SLC47A1: variants seen among roughly 807,000 people sequenced by gnomAD.
SLC47A1 encodes the protein multidrug and toxin extrusion protein 1.
SLC47A1 carries 58 observed loss-of-function variants against 65.8 expected under a neutral mutation model. The ratio of observed to expected loss-of-function variants is 0.88; its 90% CI spans 0.71 to 1.10. SLC47A1 has a LOEUF of 1.10. Ranked by LOEUF, SLC47A1 falls within the 50% of genes least tolerant of loss-of-function variation. The pLI is 0.00. For synonymous variants in SLC47A1, 285 were observed against 295.0 expected, an observed-to-expected ratio of 0.97 and a Z score of 0.35; for missense variants, 706 against 719.2, an observed-to-expected ratio of 0.98 and a Z score of 0.21.
chr17:19,546,064 A>T (rs898094651), intron 2 of SLC47A1, among the ~76,000 whole-genome samples: 6 of 152,128 alleles, frequency 3.9e-5, no homozygotes, highest in Admixed American at 6.5e-5. Context: ...TACTAAAAAT[A>T]CAAAAATTAG....
At chr17:19,534,628 T>C (rs1915940798) in intron 1 of SLC47A1, 1 of 152,228 alleles carries the variant, frequency 6.6e-6, no homozygotes, top group African/African-American at 2.4e-5. Context: ...AAATGATTTC[T>C]TCAGAATTCA....
intron 12 of SLC47A1, among the ~76,000 whole-genome samples, chr17:19,564,212 A>T (rs2084338813): frequency 6.6e-6 from 1 of 151,534 alleles, no homozygotes; most frequent in South Asian, 2.1e-4. Context: ...TTAGCTGGGC[A>T]TGGTGGTGTG....
At chr17:19,551,290 A>T (rs368661527) in intron 5 of SLC47A1, 134 bp from the exon 6 acceptor site, 1 of 811,374 alleles carries the variant, frequency 1.2e-6, no homozygotes, top group African/African-American at 1.7e-5. Flanking sequence ...TCCTGAGACG[A>T]CAGCCTCTGT....
At chr17:19,541,634 G>A (rs1350199766) in intron 1 of SLC47A1, among the ~76,000 whole-genome samples, 1 of 152,208 alleles carries the variant, frequency 6.6e-6, no homozygotes, top group Non-Finnish European at 1.5e-5. Context: ...GGGACTCCAA[G>A]TGGACGATCT....
At chr17:19,555,762 A>C (rs1234841724) in intron 8 of SLC47A1, 34 bp from the exon 9 acceptor site, 3 of 1,613,206 alleles carry the variant, frequency 1.9e-6, no homozygotes, top group African/African-American at 1.3e-5. Flanking sequence ...CCCGATGGCC[A>C]GATCTCCTGG....
chr17:19,565,605 G>T (rs2084349921), intron 12 of SLC47A1, among the ~76,000 whole-genome samples: 1 of 134,810 alleles, frequency 7.4e-6, no homozygotes, highest in Non-Finnish European at 1.5e-5. Context: ...TTTTGAGATG[G>T]ACTCTCGCTC....
At chr17:19,574,063 T>C (rs1226236393) in intron 16 of SLC47A1, among the ~76,000 whole-genome samples, 1 of 151,846 alleles carries the variant, frequency 6.6e-6, no homozygotes, top group Non-Finnish European at 1.5e-5. Flanking sequence ...GCTGGGATTA[T>C]AGGCGCCCAC....
chr17:19,540,288 A>G (rs1916105782), intron 1 of SLC47A1, among the ~76,000 whole-genome samples: 1 of 152,200 alleles, frequency 6.6e-6, no homozygotes, highest in African/African-American at 2.4e-5. Flanking sequence ...AACAGCTCAC[A>G]GGTGGCCCAC....
At chr17:19,555,148 G>A in intron 6 of SLC47A1, 64 bp from the exon 7 acceptor site, 1 of 1,458,582 alleles carries the variant, frequency 6.9e-7, no homozygotes, top group South Asian at 1.1e-5. Flanking sequence ...GTGTGTGCTT[G>A]GGTAGCAGAA....
intron 14 of SLC47A1, 131 bp downstream of exon 14, chr17:19,567,359 G>C: frequency 7.3e-7 from 1 of 1,365,016 alleles, no homozygotes; most frequent in Non-Finnish European, 1.0e-6. Flanking sequence ...TCTGTGTCTT[G>C]TCAGAGAGTG....
At chr17:19,534,241 C>A in intron 1 of SLC47A1, 167 bp downstream of exon 1, 2 of 847,754 alleles carry the variant, frequency 2.4e-6, no homozygotes, top group Non-Finnish European at 3.3e-6. Context: ...AGCTCCTCTG[C>A]CTGCGTCCCG....
chr17:19,573,276 G>T (rs1202076860), intron 16 of SLC47A1, among the ~76,000 whole-genome samples: 4 of 152,100 alleles, frequency 2.6e-5, no homozygotes, highest in Non-Finnish European at 5.9e-5. Flanking sequence ...ATGTGGTTAT[G>T]GTTTTCTTCA....
intron 12 of SLC47A1, among the ~76,000 whole-genome samples, chr17:19,562,744 T>G (rs1400065190): frequency 6.6e-6 from 1 of 151,832 alleles, no homozygotes; most frequent in East Asian, 1.9e-4. Flanking sequence ...TGGGAAACCA[T>G]ACAGCCCAGG....
intron 5 of SLC47A1, 74 bp from the exon 6 acceptor site, chr17:19,551,350 C>T: frequency 7.6e-7 from 1 of 1,322,384 alleles, no homozygotes; most frequent in Non-Finnish European, 1.1e-6. Flanking sequence ...TGGCTCCTAG[C>T]TCCCTGCCGT....
chr17:19,567,659 G>A (rs2152316808), intron 14 of SLC47A1: 1 of 200,210 alleles, frequency 5.0e-6, no homozygotes, highest in African/African-American at 2.3e-5. Flanking sequence ...GCTATCGTAG[G>A]CGGTCCTGCG....
rs1364392022 is a variant in SLC47A1, at chr17:19,560,312, T to C, written c.1030+16T>C. On this transcript the variant is annotated intron_variant, in intron 11 of 16. Coordinates refer to ENST00000270570, the MANE Select transcript of SLC47A1 (RefSeq NM_018242.3). Reference sequence around the variant, plus strand: ...CTGATTACAGGTGCTGAGACCCCTTTACCCGAGGCTCTTGGTGCAGTCTCT... The same window carrying C: ...CTGATTACAGGTGCTGAGACCCCTTCACCCGAGGCTCTTGGTGCAGTCTCT... The C allele has an allele frequency of 6.2e-7, 1 of 1,610,296 alleles. No individual in the cohort carries two copies. The highest frequency in any genetic ancestry group is 1.7e-5 in the Admixed American group (1 of 59,942).
rs1597499494 is a variant in SLC47A1 at position 19,551,410 on chromosome 17, T to G, written c.499-14T>G. 1 of 1,596,942 alleles carries G rather than the reference T, an allele frequency of 6.3e-7. No homozygotes were observed. The highest frequency in any genetic ancestry group is 8.6e-7 in the Non-Finnish European group (1 of 1,164,394). Reference sequence around the variant, plus strand: ...GCTGAAACATTAACATTCATCTCTCTTGTTCTCTTGTAGGCAACCTTTCTT... The same window carrying G: ...GCTGAAACATTAACATTCATCTCTCGTGTTCTCTTGTAGGCAACCTTTCTT... On this transcript the variant is annotated splice_polypyrimidine_tract_variant and intron_variant, in intron 5 of 16. Coordinates refer to ENST00000270570, the MANE Select transcript of SLC47A1 (RefSeq NM_018242.3).
intron 14 of SLC47A1, among the ~76,000 whole-genome samples, chr17:19,570,644 C>A (rs191853017): frequency 6.6e-6 from 1 of 152,174 alleles, no homozygotes; most frequent in Non-Finnish European, 1.5e-5. Context: ...CCAAAGGCAG[C>A]GATCTTGCTT....
chr17:19,551,473 T>C lies in SLC47A1; in HGVS notation c.543+5T>C. ...GTTAAATATTTGCTCAACCAGGTAA[T>C]ACTGACTGTTCTCTTCCTTTGGGAG... is the stretch of plus-strand genomic sequence containing the variant. On this transcript the variant is annotated splice_donor_5th_base_variant and intron_variant, in intron 6 of 16. Transcript: ENST00000270570. 6.2e-7 allele frequency: 1 copy of C among 1,609,190 alleles called. No homozygotes were observed. The highest frequency in any genetic ancestry group is 8.5e-7 in the Non-Finnish European group (1 of 1,175,502).
Sources: allele counts gnomAD v4.1 joint callset (sites outside exome capture counted in the v4.1 genomes callset), GRCh38; gene constraint gnomAD v4.1.1; transcripts MANE v1.5; gene names NCBI Gene and HGNC (gene_info 2026-07-23, HGNC 2026-07-21).